Variants in MIPEP observed in about 807,000 individuals in gnomAD.
The protein encoded by MIPEP is mitochondrial intermediate peptidase.
In MIPEP, 79 loss-of-function variants were observed where a neutral mutation model predicts 90.3. The ratio of observed to expected loss-of-function variants is 0.87; its 90% CI spans 0.73 to 1.05. The LOEUF is 1.05. MIPEP is among the 50% of genes least tolerant of loss of function. MIPEP has a pLI of 0.00. For synonymous variants in MIPEP, 334 were observed against 315.8 expected (o/e 1.06, Z -0.61); for missense variants, 940 against 905.6 (o/e 1.04, Z -0.49).
intron 16 of MIPEP, among the ~76,000 whole-genome samples, chr13:23,793,063 A>G (rs1185634530): frequency 2.0e-5 from 3 of 152,194 alleles, no homozygotes; most frequent in African/African-American, 4.8e-5. Context: ...AAATAAAACT[A>G]AACAAAAGTG....
chr13:23,869,462 G>C lies in MIPEP; in HGVS notation c.787-14C>G. 3.8e-6 allele frequency: 6 copies of C among 1,593,458 alleles called. No homozygotes were observed. Among genetic ancestry groups the C allele is most frequent in the Non-Finnish European group, 5.1e-6 (6 of 1,172,020 alleles). ...AGCTTCTCGCACCTACGTTTAAAAAGTAAATGGTGAAGGCTATAAATATCA... is the reference window on the plus strand; with the variant it reads ...AGCTTCTCGCACCTACGTTTAAAAACTAAATGGTGAAGGCTATAAATATCA... On this transcript the variant is annotated splice_polypyrimidine_tract_variant and intron_variant, in intron 6 of 18. Transcript: ENST00000382172.
chr13:23,884,010 T>C (rs1871367153), intron 2 of MIPEP, among the ~76,000 whole-genome samples: 1 of 152,142 alleles, frequency 6.6e-6, no homozygotes, highest in Admixed American at 6.5e-5. Context: ...GTGGTGAACA[T>C]ATAATCATCT....
Position 23,841,327 on chromosome 13 carries a change from G to A in MIPEP, c.1260+8C>T, listed in dbSNP as rs756825290. The A allele has an allele frequency of 6.2e-7, 1 of 1,605,954 alleles. No individual in the cohort carries two copies. The highest frequency in any genetic ancestry group is 8.5e-7 in the Non-Finnish European group (1 of 1,177,296). On this transcript the variant is annotated splice_region_variant and intron_variant, in intron 11 of 18. Coordinates refer to ENST00000382172, the MANE Select transcript of MIPEP (RefSeq NM_005932.4). ...CCTGCAACTGCAGGCTGAGCAGGAG[G>A]AGCTCACCAGTTTTCGGACATCTTC...
chr13:23,888,237 A>G, intron 1 of MIPEP: 1 of 292,736 alleles, frequency 3.4e-6, no homozygotes, highest in East Asian at 9.9e-5. Flanking sequence ...AACACTACAT[A>G]CCCTTAAGGA....
At chr13:23,871,652 T>C (rs1402637055) in intron 5 of MIPEP, among the ~76,000 whole-genome samples, 2 of 152,140 alleles carry the variant, frequency 1.3e-5, no homozygotes, top group Non-Finnish European at 2.9e-5. Context: ...TAAACATAGA[T>C]GATGTAGAGG....
At position 23,867,940 on chromosome 13, in the gene MIPEP, T is replaced by A. The variant is rs553862600; in HGVS notation, c.943+1352A>T. Among the ~76,000 whole-genome samples the A allele has an allele frequency of 6.4e-3, 951 of 147,498 alleles. 16 individuals carry two copies. Among genetic ancestry groups the A allele is most frequent in the African/African-American group, 0.023 (925 of 40,274 alleles). ...GATATTCTAATATTATTATTTTATA[T>A]AAATATAAAATAAAAATATGGTACT... On this transcript the variant is annotated intron_variant, in intron 7 of 18. Transcript: ENST00000382172.
At chr13:23,732,621 G>A (rs73453358) in intron 18 of MIPEP, among the ~76,000 whole-genome samples, 2,869 of 152,206 alleles carry the variant, frequency 0.019, 93 homozygotes, top group African/African-American at 0.065. Context: ...CAACACAAAC[G>A]GATCTCAAAA....
At chr13:23,777,887 T>G (rs996263457) in intron 16 of MIPEP, among the ~76,000 whole-genome samples, 3 of 152,220 alleles carry the variant, frequency 2.0e-5, no homozygotes, top group African/African-American at 7.2e-5. Flanking sequence ...TCATGTTCAT[T>G]TAAATTCAAT....
In MIPEP at chr13:23,810,856, GCTT is replaced by G. The variant is rs1033683084; in HGVS notation, c.1654-935_1654-933del. On this transcript the variant is annotated intron_variant, in intron 14 of 18. Transcript: ENST00000382172. ...CTAATAGAAGAACTGCTAGGAAACG[GCTT>G]CTTAAGTGAAAGACATAGAATCTGC... 2.6e-5 allele frequency among the ~76,000 whole-genome samples: 4 copies of G among 152,344 alleles called. No individual in the cohort carries two copies. The South Asian group carries it at 6.2e-4, about 24-fold the overall frequency.
intron 18 of MIPEP, among the ~76,000 whole-genome samples, chr13:23,755,960 GA>G (rs1258523077): frequency 1.3e-5 from 2 of 151,640 alleles, no homozygotes; most frequent in Non-Finnish European, 2.9e-5. Flanking sequence ...AAATCTAAAG[GA>G]AAATTTTCTA....
intron 15 of MIPEP, among the ~76,000 whole-genome samples, chr13:23,807,053 A>C (rs971076780): frequency 6.6e-6 from 1 of 152,018 alleles, no homozygotes; most frequent in Non-Finnish European, 1.5e-5. Context: ...GTACAAAGGA[A>C]GCAGCTGCTG....
chr13:23,753,482 C>A lies in MIPEP; in HGVS notation c.2044+3063G>T, dbSNP rs145358282. 7.2e-3 allele frequency among the ~76,000 whole-genome samples: 1,104 copies of A among 152,288 alleles called. 10 individuals are homozygous for A. The highest frequency in any genetic ancestry group is 9.8e-3 in the Non-Finnish European group (666 of 68,032). ...TGGTGTGTTAGGCTTTTTAAGAAAG[C>A]CCCTGCTGCTGCAACTTGTCTTTTT... On this transcript the variant is annotated intron_variant, in intron 18 of 18. Coordinates refer to ENST00000382172, the MANE Select transcript of MIPEP (RefSeq NM_005932.4).
chr13:23,871,032 G>A (rs1870779472), intron 5 of MIPEP, among the ~76,000 whole-genome samples: 1 of 149,292 alleles, frequency 6.7e-6, no homozygotes, highest in Non-Finnish European at 1.5e-5. Flanking sequence ...CCCTGTCTCA[G>A]GGGGGAATAA....
chr13:23,852,573 T>C (rs1869843559), intron 10 of MIPEP, among the ~76,000 whole-genome samples: 1 of 152,196 alleles, frequency 6.6e-6, no homozygotes, highest in South Asian at 2.1e-4. Flanking sequence ...AGGTTTGTGG[T>C]GATGCTGGTG....
intron 2 of MIPEP, among the ~76,000 whole-genome samples, chr13:23,885,922 A>C (rs1871459418): frequency 6.6e-6 from 1 of 151,440 alleles, no homozygotes; most frequent in East Asian, 1.9e-4. Context: ...TAAAAAAAAA[A>C]AAAAAAGAAA....
At chr13:23,862,213 C>T in intron 9 of MIPEP, 89 bp downstream of exon 9, 1 of 777,716 alleles carries the variant, frequency 1.3e-6, no homozygotes, top group Non-Finnish European at 2.2e-6. Context: ...GGACCTGTAG[C>T]CTATCACAAG....
At chr13:23,773,362 A>C (rs1952674418) in intron 16 of MIPEP, among the ~76,000 whole-genome samples, 1 of 152,200 alleles carries the variant, frequency 6.6e-6, no homozygotes, top group Non-Finnish European at 1.5e-5. Context: ...GCATCCAGTC[A>C]TCTATTGAGT....
At chr13:23,821,542 G>A (rs149966147) in intron 14 of MIPEP, among the ~76,000 whole-genome samples, 4 of 152,190 alleles carry the variant, frequency 2.6e-5, no homozygotes, top group South Asian at 2.1e-4. Context: ...CATCTTCACC[G>A]AGCATCCCAC....
intron 1 of MIPEP, chr13:23,888,033 G>T: frequency 4.9e-6 from 2 of 404,860 alleles, no homozygotes; most frequent in Admixed American, 3.3e-5. Flanking sequence ...ACTGAATAAG[G>T]CTTTTTTTTT....
Sources: allele counts gnomAD v4.1 joint callset (sites outside exome capture counted in the v4.1 genomes callset), GRCh38; gene constraint gnomAD v4.1.1; transcripts MANE v1.5; gene names NCBI Gene and HGNC (gene_info 2026-07-23, HGNC 2026-07-21).